ASAP1: variants seen among roughly 807,000 people sequenced by gnomAD.
ASAP1 encodes the protein arf-GAP with SH3 domain, ANK repeat and PH domain-containing protein 1.
A neutral mutation model predicts 145.2 loss-of-function variants in ASAP1; 43 were observed. The observed-to-expected ratio is 0.30, with a 90% CI of 0.23 to 0.38. The LOEUF is 0.38. ASAP1 is among the 10% of genes least tolerant of loss of function. ASAP1 has a pLI of 1.00. For missense variants in ASAP1, 1,018 were observed against 1,355.3 expected (o/e 0.75, Z 3.91); for synonymous variants, 546 against 515.5 (o/e 1.06, Z -0.80).
In ASAP1 at chr8:130,358,083, C is replaced by T. The variant is rs749574522; in HGVS notation, c.120G>A (p.Ser40=). The change falls in exon 3 of 30, where the codon TCG becomes TCA. Residue 40 remains serine, a synonymous_variant. Transcript: ENST00000518721. The surrounding 1 kb of genome is among the most constrained non-coding windows in gnomAD (Gnocchi z 4.1). ...FIAETTEDYN[S]PTTSSFTTRL... ...GCGTGGTGAAGCTGGACGTGGTGGGCGAGTTGTAGTCCTCGGTGGTCTCGG... is the reference window on the plus strand; with the variant it reads ...GCGTGGTGAAGCTGGACGTGGTGGGTGAGTTGTAGTCCTCGGTGGTCTCGG... 1.9e-6 allele frequency: 3 copies of T among 1,610,638 alleles called. No homozygotes were observed. Among genetic ancestry groups the T allele is most frequent in the Admixed American group, 3.3e-5 (2 of 59,850 alleles).
chr8:130,081,359 C>G (rs2097480025), intron 25 of ASAP1, among the ~76,000 whole-genome samples: 1 of 152,334 alleles, frequency 6.6e-6, no homozygotes, highest in East Asian at 1.9e-4. Flanking sequence ...CCCCAAGCTG[C>G]AGGCACCCAG....
intron 2 of ASAP1, among the ~76,000 whole-genome samples, chr8:130,373,808 C>T (rs1338862366): frequency 7.1e-6 from 1 of 140,436 alleles, no homozygotes; most frequent in East Asian, 2.1e-4. Context: ...GATCGTGCCA[C>T]TGCACTCCAG....
At chr8:130,067,559 C>A (rs1473921030) in intron 27 of ASAP1, among the ~76,000 whole-genome samples, 1 of 152,190 alleles carries the variant, frequency 6.6e-6, no homozygotes, top group Non-Finnish European at 1.5e-5. Flanking sequence ...CCACACTCTG[C>A]TAATTTTTCA....
intron 3 of ASAP1, among the ~76,000 whole-genome samples, chr8:130,240,044 C>A (rs1424788292): frequency 6.6e-6 from 1 of 152,102 alleles, no homozygotes; most frequent in Non-Finnish European, 1.5e-5. Flanking sequence ...TGGCTGTAGT[C>A]TAACAGAAAT....
At chr8:130,226,084 C>T (rs1378736537) in intron 4 of ASAP1, among the ~76,000 whole-genome samples, 1 of 151,136 alleles carries the variant, frequency 6.6e-6, no homozygotes, top group Non-Finnish European at 1.5e-5. Flanking sequence ...TACTATGCTG[C>T]CCAGGCTAGT....
chr8:130,179,115 C>T (rs774890852), intron 9 of ASAP1, 149 bp downstream of exon 9: 1 of 522,970 alleles, frequency 1.9e-6, no homozygotes, highest in Non-Finnish European at 3.4e-6. Flanking sequence ...ATGGAAGACA[C>T]TATTTCTTAT....
At position 130,438,690 on chromosome 8, in the gene ASAP1, A is replaced by T. The variant is rs560086120; in HGVS notation, c.-28+4770T>A. ...AGTGTCCCTGGGTTGAAAGTGAACA[A>T]TCGGGCCGACAGCTGAAGAATGCAC... On this transcript the variant is annotated intron_variant, in intron 1 of 29. Coordinates refer to ENST00000518721, the MANE Select transcript of ASAP1 (RefSeq NM_018482.4). 2.0e-5 allele frequency among the ~76,000 whole-genome samples: 3 copies of T among 152,220 alleles called. No individual in the cohort carries two copies. The South Asian group carries it at 6.2e-4, about 32-fold the overall frequency.
intron 28 of ASAP1, 92 bp downstream of exon 28, chr8:130,060,487 C>T: frequency 6.7e-7 from 1 of 1,487,932 alleles, no homozygotes; most frequent in Admixed American, 2.2e-5. Context: ...CAAGCTCTCA[C>T]TTTTTCTTGT....
intron 2 of ASAP1, among the ~76,000 whole-genome samples, chr8:130,387,768 G>C (rs1828091273): frequency 6.6e-6 from 1 of 151,976 alleles, no homozygotes; most frequent in African/African-American, 2.4e-5. Flanking sequence ...CCTAGAATTG[G>C]TATTTTATGC....
chr8:130,072,814 T>TGCGC (rs1564927890), intron 27 of ASAP1, among the ~76,000 whole-genome samples: 1 of 27,944 alleles, frequency 3.6e-5, no homozygotes, highest in Admixed American at 5.8e-4. Flanking sequence ...TGTGTGTGTG[T>TGCGC]GTGTGTGTGT....
Position 130,358,424 on chromosome 8 carries a change from G to A in ASAP1, c.60-281C>T. The stretch of plus-strand genomic sequence containing the variant: ...CCGGGACCCGCCTCCCTCTGCTCAT[G>A]CCGGCGGCGGCAGCTCCTCAGCGGC... On this transcript the variant is annotated intron_variant, in intron 2 of 29. Transcript: ENST00000518721. This position sits in a 1 kb window ranked among gnomAD's most constrained non-coding sequence, Gnocchi z 4.1. 6.7e-6 allele frequency among the ~76,000 whole-genome samples: 1 copy of A among 148,426 alleles called. No homozygotes were observed. Among genetic ancestry groups the A allele is most frequent in the African/African-American group, 2.4e-5 (1 of 41,090 alleles).
At chr8:130,260,181 G>A (rs1007799022) in intron 3 of ASAP1, among the ~76,000 whole-genome samples, 1 of 152,094 alleles carries the variant, frequency 6.6e-6, no homozygotes, top group African/African-American at 2.4e-5. Context: ...ACAATGTAAG[G>A]TGTATAATAA....
chr8:130,268,548 T>C (rs920022640), intron 3 of ASAP1, among the ~76,000 whole-genome samples: 5 of 150,574 alleles, frequency 3.3e-5, no homozygotes, highest in South Asian at 2.1e-4. Context: ...TGTGTAACTA[T>C]AGAGCAATAT....
At chr8:130,211,161 T>C (rs1206737417) in intron 5 of ASAP1, among the ~76,000 whole-genome samples, 4 of 152,192 alleles carry the variant, frequency 2.6e-5, no homozygotes, top group African/African-American at 9.6e-5. Flanking sequence ...AAACTTTTTA[T>C]AGGAACAATT....
intron 3 of ASAP1, among the ~76,000 whole-genome samples, chr8:130,274,172 G>A (rs1422118637): frequency 1.3e-5 from 2 of 152,118 alleles, no homozygotes; most frequent in Non-Finnish European, 1.5e-5. Flanking sequence ...TGCCTGCATT[G>A]CTTTCCCTTG....
At chr8:130,351,427 A>T (rs1825985793) in intron 3 of ASAP1, among the ~76,000 whole-genome samples, 1 of 152,208 alleles carries the variant, frequency 6.6e-6, no homozygotes, top group African/African-American at 2.4e-5. Context: ...TGTTTTTTTT[A>T]AATCCAAAGA....
intron 3 of ASAP1, among the ~76,000 whole-genome samples, chr8:130,247,400 T>C (rs1259707397): frequency 1.3e-5 from 2 of 152,112 alleles, no homozygotes; most frequent in Non-Finnish European, 2.9e-5. Flanking sequence ...GGCCCTAAGA[T>C]ATGCAGCTAA....
At chr8:130,129,736 C>T (rs1195649927) in intron 15 of ASAP1, among the ~76,000 whole-genome samples, 1 of 152,060 alleles carries the variant, frequency 6.6e-6, no homozygotes, top group East Asian at 1.9e-4. Flanking sequence ...CTATGCAAGT[C>T]ACACCTTTGA....
At chr8:130,233,747 G>A (rs1818047456) in intron 4 of ASAP1, among the ~76,000 whole-genome samples, 2 of 152,020 alleles carry the variant, frequency 1.3e-5, no homozygotes, top group South Asian at 4.1e-4. Flanking sequence ...CTCCCCTACT[G>A]GATTGTAAAA....
Sources: gnomAD v4.1 joint callset for allele counts (sites outside exome capture counted in the v4.1 genomes callset) on GRCh38, gnomAD v4.1.1 for gene constraint, Gnocchi (gnomAD v3.1) non-coding constraint, MANE v1.5 for transcripts, NCBI Gene and HGNC (gene_info 2026-07-23, HGNC 2026-07-21) for gene names.